COL4A1: variants seen among roughly 807,000 people sequenced by gnomAD.
COL4A1 encodes the protein collagen alpha-1(IV) chain.
A neutral mutation model predicts 216.6 loss-of-function variants in COL4A1; 40 were observed. The ratio of observed to expected loss-of-function variants is 0.18; its 90% CI spans 0.14 to 0.24. The LOEUF (loss-of-function observed/expected upper bound fraction) is 0.24. COL4A1 is among the 10% of genes least tolerant of loss of function. The probability of loss-of-function intolerance (pLI) is 1.00; values close to 1 mark genes in which losing one functional copy is unlikely to be tolerated. For missense variants in COL4A1, 1,628 were observed against 2,196.8 expected, an observed-to-expected ratio of 0.74 and a Z score of 5.18; for synonymous variants, 839 against 810.7, an observed-to-expected ratio of 1.03 and a Z score of -0.59.
intron 1 of COL4A1, among the ~76,000 whole-genome samples, chr13:110,260,544 G>A (rs892652530): frequency 2.0e-5 from 3 of 152,312 alleles, no homozygotes; most frequent in East Asian, 1.9e-4. Context: ...ACCACGGCAA[G>A]GGTGGTACAA....
At position 110,300,609 on chromosome 13, in the gene COL4A1, A is replaced by G. The variant is rs186070476; in HGVS notation, c.84+6335T>C. On this transcript the variant is annotated intron_variant, in intron 1 of 51. Transcript: ENST00000375820. ...AGTGAATACACAAATGGCTTCCCCA[A>G]TTGTTGGTGTATTTGGTGAAATGAA... 6.4e-4 allele frequency among the ~76,000 whole-genome samples: 98 copies of G among 152,340 alleles called. 1 individual carries two copies. The highest frequency in any genetic ancestry group is 4.8e-4 in the Non-Finnish European group (33 of 68,042).
Position 110,177,938 on chromosome 13 carries a change from C to T in COL4A1, c.2627-7G>A, listed in dbSNP as rs1409839163. 6.2e-7 allele frequency: 1 copy of T among 1,613,990 alleles called. No individual in the cohort carries two copies. The highest frequency in any genetic ancestry group is 1.3e-5 in the African/African-American group (1 of 74,904). On this transcript the variant is annotated splice_polypyrimidine_tract_variant and splice_region_variant and intron_variant, in intron 32 of 51. Coordinates refer to ENST00000375820, the MANE Select transcript of COL4A1 (RefSeq NM_001845.6). ...CCCATTTCTCCCTTGGAACCTGTGGCCAAAGGAAAGGACTGTGAACATTTT... is the reference window on the plus strand; with the variant it reads ...CCCATTTCTCCCTTGGAACCTGTGGTCAAAGGAAAGGACTGTGAACATTTT...
At chr13:110,247,816 TGTGTGTGTGTGTGTGTGTGG>T (rs953568054) in intron 1 of COL4A1, among the ~76,000 whole-genome samples, 3 of 120,636 alleles carry the variant, frequency 2.5e-5, no homozygotes, top group Non-Finnish European at 3.4e-5. Flanking sequence ...TGTGTGTGTG[TGTGTGTGTGTGTGTGTGTGG>T]CAGAGAGAGA....
intron 1 of COL4A1, among the ~76,000 whole-genome samples, chr13:110,283,976 C>T (rs1403407624): frequency 6.6e-6 from 1 of 152,126 alleles, no homozygotes; most frequent in Non-Finnish European, 1.5e-5. Context: ...AGGCCAGGAG[C>T]CTTCAGCAAA....
chr13:110,252,054 C>T lies in COL4A1; in HGVS notation c.85-9320G>A, dbSNP rs190761336. Among the ~76,000 whole-genome samples, 300 of 152,132 alleles carry T rather than the reference C, an allele frequency of 2.0e-3. 2 individuals are homozygous for T. Among genetic ancestry groups the T allele is most frequent in the African/African-American group, 6.7e-3 (279 of 41,506 alleles). On this transcript the variant is annotated intron_variant, in intron 1 of 51. Coordinates refer to ENST00000375820, the MANE Select transcript of COL4A1 (RefSeq NM_001845.6). ...ATTACTTTTTTTTGAGGTAGAGTCTCGCTCTGTTGCCCAGGCTGGAGTGCT... is the reference window on the plus strand; with the variant it reads ...ATTACTTTTTTTTGAGGTAGAGTCTTGCTCTGTTGCCCAGGCTGGAGTGCT...
In COL4A1 at chr13:110,155,417, ACT is replaced by A. The variant is rs1876738562; in HGVS notation, c.4641-22_4641-21del. On this transcript the variant is annotated intron_variant, in intron 49 of 51. Transcript: ENST00000375820. ...GCACACCTGGAAGTGGAGCAGAGAC[ACT>A]CAGCACAGCCGGGGTGCAGGGCAGA... is the stretch of plus-strand genomic sequence containing the variant. The A allele has an allele frequency of 2.5e-6, 4 of 1,591,818 alleles. No homozygotes were observed. Among genetic ancestry groups the A allele is most frequent in the Non-Finnish European group, 3.4e-6 (4 of 1,160,388 alleles).
At chr13:110,157,042 G>A (rs1876818994) in intron 49 of COL4A1, among the ~76,000 whole-genome samples, 1 of 152,166 alleles carries the variant, frequency 6.6e-6, no homozygotes, top group Non-Finnish European at 1.5e-5. Flanking sequence ...TGGAGGGAAG[G>A]GTTTTGTCTT....
chr13:110,182,969 C>A, intron 28 of COL4A1, 24 bp downstream of exon 28: 1 of 1,601,262 alleles, frequency 6.2e-7, no homozygotes, highest in Non-Finnish European at 8.5e-7. Context: ...GGACCAAAGG[C>A]TCGGGTCCGT....
intron 47 of COL4A1, 118 bp downstream of exon 47, chr13:110,163,345 G>A (rs747571009): frequency 6.2e-5 from 52 of 835,082 alleles, no homozygotes; most frequent in Middle Eastern, 2.2e-4. Context: ...AGACTTCTTC[G>A]GAAATCTGTC....
At chr13:110,153,669 G>A (rs1876620543) in intron 50 of COL4A1, among the ~76,000 whole-genome samples, 1 of 152,188 alleles carries the variant, frequency 6.6e-6, no homozygotes, top group South Asian at 2.1e-4. Flanking sequence ...TAGTTACAAT[G>A]CAGCACTTCG....
Position 110,163,531 on chromosome 13 carries a change from G to A in COL4A1, c.4181C>T (p.Pro1394Leu). The A allele has an allele frequency of 6.2e-7, 1 of 1,614,086 alleles. No homozygotes were observed. The highest frequency in any genetic ancestry group is 1.3e-5 in the African/African-American group (1 of 75,038). The change falls in exon 47 of 52, where the codon CCT becomes CTT. Residue 1394 changes from proline to leucine, a missense_variant. Physicochemically the swap from Pro to Leu is moderately conservative, Grantham distance 98. Transcript: ENST00000375820. ...ACCGTCAAACCCAGGAATACCTGGA[G>A]GTCCAGGTATACCCACCAATCCTGT... ...GVTGLVGIPG[P>L]PGIPGFDGAP...
chr13:110,158,969 C>G (rs1484173027), intron 49 of COL4A1, among the ~76,000 whole-genome samples: 1 of 152,180 alleles, frequency 6.6e-6, no homozygotes, highest in African/African-American at 2.4e-5. Flanking sequence ...TCTCGAACTC[C>G]TGACCTCAGG....
intron 1 of COL4A1, among the ~76,000 whole-genome samples, chr13:110,290,933 G>A (rs372490748): frequency 1.5e-4 from 23 of 152,344 alleles, no homozygotes; most frequent in Middle Eastern, 3.4e-3. Context: ...GGGTCGCCGT[G>A]CAGTGGCAGA....
chr13:110,213,905 C>A (rs1879942434), intron 3 of COL4A1, 21 bp downstream of exon 3: 1 of 1,613,826 alleles, frequency 6.2e-7, no homozygotes, highest in East Asian at 2.2e-5. Flanking sequence ...CACCCACCCC[C>A]AATCCCACAG....
At chr13:110,267,714 T>C (rs1883096190) in intron 1 of COL4A1, among the ~76,000 whole-genome samples, 1 of 152,200 alleles carries the variant, frequency 6.6e-6, no homozygotes, top group African/African-American at 2.4e-5. Flanking sequence ...ATAGCTATGA[T>C]AAAATTTGCA....
At chr13:110,256,104 C>CTA (rs1566421714) in intron 1 of COL4A1, among the ~76,000 whole-genome samples, 1 of 138,474 alleles carries the variant, frequency 7.2e-6, no homozygotes, top group Non-Finnish European at 1.7e-5. Flanking sequence ...TAAATCATAC[C>CTA]TAACTGTTTT....
Position 110,208,861 on chromosome 13 carries a change from T to C in COL4A1, c.681A>G (p.Pro227=), listed in dbSNP as rs202192685. The C allele has an allele frequency of 1.2e-6, 2 of 1,614,212 alleles. No individual in the cohort carries two copies. The highest frequency in any genetic ancestry group is 1.3e-5 in the African/African-American group (1 of 75,068). ...AATATGCACTCACCTTGTCACCTTT[T>C]GGTCCTTGAAAACTTAAGCCCATTT... ...KGQMGLSFQG[P]KGDKGDQGVS... is the part of the protein sequence containing the mutation. The change falls in exon 12 of 52, where the codon CCA becomes CCG. Residue 227 remains proline (P), a synonymous_variant. Coordinates refer to ENST00000375820, the MANE Select transcript of COL4A1 (RefSeq NM_001845.6).
intron 2 of COL4A1, among the ~76,000 whole-genome samples, chr13:110,240,568 C>A (rs1440049256): frequency 6.6e-6 from 1 of 152,270 alleles, no homozygotes; most frequent in African/African-American, 2.4e-5. Context: ...GCACAGACCT[C>A]GCCTGGCCAG....
intron 1 of COL4A1, among the ~76,000 whole-genome samples, chr13:110,279,863 A>G (rs1398426079): frequency 6.6e-6 from 1 of 152,202 alleles, no homozygotes; most frequent in African/African-American, 2.4e-5. Context: ...GTGGGCCTGC[A>G]TCGAGAGGGC....
Sources: gnomAD v4.1 joint callset for allele counts (sites outside exome capture counted in the v4.1 genomes callset) on GRCh38, gnomAD v4.1.1 for gene constraint, MANE v1.5 for transcripts, NCBI Gene and HGNC (gene_info 2026-07-23, HGNC 2026-07-21) for gene names.